The following WDR45B variants were observed in gnomAD, a reference collection of about 807,000 sequenced individuals.
WDR45B encodes WD repeat domain phosphoinositide-interacting protein 3.
In WDR45B, 20 loss-of-function variants were observed where a neutral mutation model predicts 44.6. The observed-to-expected ratio is 0.45, with a 90% confidence interval of 0.32 to 0.65. The LOEUF (loss-of-function observed/expected upper bound fraction) is 0.65, where lower values mean the gene tolerates loss of function less well. Ranked by LOEUF, WDR45B falls within the 30% of genes least tolerant of loss-of-function variation. WDR45B has a pLI of 0.05. For synonymous variants in WDR45B, 169 were observed against 164.9 expected (o/e 1.02, Z -0.19); for missense variants, 323 against 430.2 (o/e 0.75, Z 2.20).
At chr17:82,646,567 A>G (rs953833731) in intron 1 of WDR45B, among the ~76,000 whole-genome samples, 1 of 151,986 alleles carries the variant, frequency 6.6e-6, no homozygotes, top group Non-Finnish European at 1.5e-5. Flanking sequence ...AAAGTACAGA[A>G]GTAGGCAAAA....
At chr17:82,625,563 G>T in intron 4 of WDR45B, 80 bp from the exon 5 acceptor site, 1 of 1,256,148 alleles carries the variant, frequency 8.0e-7, no homozygotes, top group Non-Finnish European at 1.2e-6. Context: ...TTATCATACT[G>T]AAACTGAGAA....
intron 6 of WDR45B, among the ~76,000 whole-genome samples, chr17:82,619,527 G>A (rs1321462596): frequency 6.6e-6 from 1 of 150,534 alleles, no homozygotes; most frequent in Admixed American, 6.6e-5. Context: ...GCTAGGAAAA[G>A]CAGCACGGGA....
At chr17:82,625,256 G>C (rs865948600) in intron 5 of WDR45B, 133 bp downstream of exon 5, 1 of 830,418 alleles carries the variant, frequency 1.2e-6, no homozygotes. Context: ...ATCTCCTCTG[G>C]AGGCCCCTCT....
chr17:82,621,892 G>T (rs2045623831), intron 5 of WDR45B, 93 bp from the exon 6 acceptor site: 2 of 1,281,608 alleles, frequency 1.6e-6, no homozygotes, highest in African/African-American at 3.0e-5. Flanking sequence ...CGAAAAAATA[G>T]ATGTATATCA....
chr17:82,621,512 G>T, intron 6 of WDR45B, 97 bp downstream of exon 6: 1 of 1,528,288 alleles, frequency 6.5e-7, no homozygotes, highest in Non-Finnish European at 9.0e-7. Flanking sequence ...GTTGGGGCAG[G>T]CCCACTGCCT....
At chr17:82,619,617 C>T (rs1168912535) in intron 6 of WDR45B, among the ~76,000 whole-genome samples, 2 of 152,106 alleles carry the variant, frequency 1.3e-5, no homozygotes, top group African/African-American at 4.8e-5. Flanking sequence ...GCTGGCTTTC[C>T]CAAGAAAGAG....
At position 82,625,373 on chromosome 17, in the gene WDR45B, C is replaced by T. The variant is rs1002770590; in HGVS notation, c.427+16G>A. On this transcript the variant is annotated intron_variant, in intron 5 of 9. Transcript: ENST00000392325. ...GGACCCATTTCCCATCGCCACCCGT[C>T]TGCTCAATCTCTCACCTTTGGGGTT... 1.9e-6 allele frequency: 3 copies of T among 1,613,358 alleles called. No individual in the cohort carries two copies. The African/African-American group carries it at 4.0e-5, about 22-fold the overall frequency.
rs915776118 is a variant in WDR45B at position 82,619,084 on chromosome 17, G to T, written c.663C>A (p.Ile221=). 1.2e-6 allele frequency: 2 copies of T among 1,614,044 alleles called. No individual in the cohort carries two copies. Among genetic ancestry groups the T allele is most frequent in the African/African-American group, 2.7e-5 (2 of 74,904 alleles). ...CTTGAGATCCTCTTCGCAGTTCCTG[G>T]ATTAAATGCCCTGATGAAGTATCAA... ...RIFDTSSGHL[I]QELRRGSQAA... Residue 221 remains isoleucine, a synonymous_variant, in exon 7 of 10, where the codon ATC becomes ATA. Transcript: ENST00000392325.
intron 5 of WDR45B, among the ~76,000 whole-genome samples, chr17:82,622,713 T>G (rs1042510389): frequency 1.3e-5 from 2 of 152,126 alleles, no homozygotes; most frequent in African/African-American, 4.8e-5. Flanking sequence ...ATTACAGGCA[T>G]GACCAAAAAT....
chr17:82,646,665 A>G (rs1236616967), intron 1 of WDR45B, among the ~76,000 whole-genome samples: 1 of 152,180 alleles, frequency 6.6e-6, no homozygotes, highest in Non-Finnish European at 1.5e-5. Context: ...TGTTAGTGAC[A>G]GGTGTGTAGT....
chr17:82,625,838 T>C, intron 4 of WDR45B: 1 of 314,040 alleles, frequency 3.2e-6, no homozygotes, highest in South Asian at 3.0e-5. Flanking sequence ...AAGAAAAGTC[T>C]GAAAGTAGAA....
chr17:82,622,791 C>T (rs560863894), intron 5 of WDR45B, among the ~76,000 whole-genome samples: 10 of 150,570 alleles, frequency 6.6e-5, no homozygotes, highest in Non-Finnish European at 1.2e-4. Context: ...TTACTTTAAA[C>T]CTCTTATCAA....
At chr17:82,624,308 C>T (rs572967420) in intron 5 of WDR45B, among the ~76,000 whole-genome samples, 1 of 152,252 alleles carries the variant, frequency 6.6e-6, no homozygotes, top group East Asian at 1.9e-4. Flanking sequence ...GTCGCCCAGG[C>T]GGGAGTGCAG....
intron 2 of WDR45B, among the ~76,000 whole-genome samples, chr17:82,642,694 A>T (rs946855352): frequency 3.3e-5 from 5 of 152,128 alleles, no homozygotes; most frequent in African/African-American, 1.2e-4. Context: ...CTGAAAGGAC[A>T]CCCAGCTGGT....
At chr17:82,642,939 G>A (rs1002997131) in intron 2 of WDR45B, among the ~76,000 whole-genome samples, 2 of 152,148 alleles carry the variant, frequency 1.3e-5, no homozygotes, top group Non-Finnish European at 2.9e-5. Flanking sequence ...AAAATGTTTT[G>A]CAACTACTTA....
In WDR45B at chr17:82,630,793, A is replaced by G. The variant is rs1280669972; in HGVS notation, c.244+128T>C. On this transcript the variant is annotated intron_variant, in intron 3 of 9. Transcript: ENST00000392325. ...TGCCCTCTTCGCCTGCTTCCTCCCCAGTGACCAGTCCTGGATATTTCACAG... is the reference window on the plus strand; with the variant it reads ...TGCCCTCTTCGCCTGCTTCCTCCCCGGTGACCAGTCCTGGATATTTCACAG... 1.5e-5 allele frequency: 14 copies of G among 945,902 alleles called. No homozygotes were observed. In the East Asian group the frequency reaches 2.9e-4, roughly 20 times the overall value. The allele number at this position is 945,902 out of a possible 1,614,324, so 58.6% of individuals were successfully genotyped here.
intron 2 of WDR45B, among the ~76,000 whole-genome samples, chr17:82,637,646 G>A (rs909376936): frequency 7.9e-5 from 12 of 151,976 alleles, no homozygotes; most frequent in African/African-American, 4.8e-5. Context: ...TTGCTGGCAC[G>A]GCTCACCGAA....
At position 82,633,841 on chromosome 17, in the gene WDR45B, G is replaced by A. The variant is rs564850109; in HGVS notation, c.143-2819C>T. ...ATCAGCCTGGGCAACACAGTGAGAC[G>A]CTCCCTCAATTAAAAAATAATAAAA... On this transcript the variant is annotated intron_variant, in intron 2 of 9. Coordinates refer to ENST00000392325, the MANE Select transcript of WDR45B (RefSeq NM_019613.4). 3.3e-5 allele frequency among the ~76,000 whole-genome samples: 5 copies of A among 151,862 alleles called. No individual in the cohort carries two copies. In the South Asian group the frequency reaches 8.3e-4, roughly 25 times the overall value.
intron 1 of WDR45B, 42 bp downstream of exon 1, chr17:82,648,232 G>C (rs1162560489): frequency 6.3e-7 from 1 of 1,585,408 alleles, no homozygotes; most frequent in South Asian, 1.1e-5. Flanking sequence ...CGGGCTGCGG[G>C]AAGGCCCGGC....
Sources: allele counts gnomAD v4.1 joint callset (sites outside exome capture counted in the v4.1 genomes callset), GRCh38; gene constraint gnomAD v4.1.1; transcripts MANE v1.5; gene names NCBI Gene and HGNC (gene_info 2026-07-23, HGNC 2026-07-21).